Variants in SCN2A observed in about 807,000 individuals in gnomAD.
The protein encoded by SCN2A is sodium channel protein type 2 subunit alpha.
Under a neutral mutation model 188.7 loss-of-function variants are expected in SCN2A, and 20 were observed. The ratio of observed to expected loss-of-function variants is 0.11; its 90% confidence interval spans 0.07 to 0.15. SCN2A has a LOEUF of 0.15. Ranked by LOEUF, SCN2A falls within the 10% of genes least tolerant of loss-of-function variation. The pLI, the probability that SCN2A is intolerant of heterozygous loss-of-function variation, is 1.00. For missense variants in SCN2A, 1,278 were observed against 2,445.0 expected (o/e 0.52, Z 10.07); for synonymous variants, 804 against 833.1 (o/e 0.97, Z 0.60).
rs183890050 is a variant in SCN2A, at chr2:165,243,193, T to C, written c.-52+3553T>C. Reference sequence around the variant, plus strand: ...TAGGCCAACACATATCTATTATACATATCTAGTTTGATTACTAAGGGCTGG... The same window carrying C: ...TAGGCCAACACATATCTATTATACACATCTAGTTTGATTACTAAGGGCTGG... On this transcript the variant is annotated intron_variant, in intron 1 of 26. Coordinates refer to ENST00000375437, the MANE Select transcript of SCN2A (RefSeq NM_001040142.2). Among the ~76,000 whole-genome samples the C allele has an allele frequency of 7.2e-5, 11 of 152,324 alleles. No homozygotes were observed. In the East Asian group the frequency reaches 1.9e-3, roughly 27 times the overall value.
chr2:165,260,017 C>T (rs1375144621), intron 1 of SCN2A, among the ~76,000 whole-genome samples: 1 of 144,672 alleles, frequency 6.9e-6, no homozygotes, highest in Non-Finnish European at 1.5e-5. Flanking sequence ...CGGCTCAGCT[C>T]GCTGCAGGCT....
chr2:165,255,374 T>C (rs1694268976), intron 1 of SCN2A, among the ~76,000 whole-genome samples: 2 of 152,108 alleles, frequency 1.3e-5, no homozygotes, highest in African/African-American at 4.8e-5. Flanking sequence ...AATATTGTTT[T>C]TTCTTTCCCT....
chr2:165,265,477 A>C (rs1279769152), intron 1 of SCN2A, among the ~76,000 whole-genome samples: 2,103 of 82,222 alleles, frequency 0.026, 83 homozygotes, highest in East Asian at 0.17. Context: ...TGATCTATAT[A>C]TATATATATA....
chr2:165,374,000 T>C (rs1197496935), intron 21 of SCN2A, among the ~76,000 whole-genome samples: 1 of 152,080 alleles, frequency 6.6e-6, no homozygotes, highest in African/African-American at 2.4e-5. Context: ...TATTTGAAAA[T>C]AAGTTGCTTA....
intron 16 of SCN2A, 82 bp from the exon 17 acceptor site, chr2:165,354,110 G>C: frequency 1.9e-6 from 3 of 1,551,462 alleles, no homozygotes; most frequent in Non-Finnish European, 2.7e-6. Flanking sequence ...AAGGTGTCAA[G>C]AACAATCTTA....
chr2:165,337,010 T>G (rs937822445), intron 14 of SCN2A, among the ~76,000 whole-genome samples: 1 of 151,840 alleles, frequency 6.6e-6, no homozygotes, highest in African/African-American at 2.4e-5. Flanking sequence ...AACAAATTGT[T>G]AGAATAAACA....
intron 1 of SCN2A, among the ~76,000 whole-genome samples, chr2:165,249,441 A>G (rs1402019164): frequency 6.6e-6 from 1 of 152,108 alleles, no homozygotes; most frequent in East Asian, 1.9e-4. Flanking sequence ...CAGGAAGTTA[A>G]TTATGCTCTT....
At chr2:165,371,642 A>C (rs549216107) in intron 20 of SCN2A, 1 of 152,322 alleles carries the variant, frequency 6.6e-6, no homozygotes, top group Admixed American at 6.5e-5. Context: ...AGATAGGGTG[A>C]GGTAAGCCTT....
intron 23 of SCN2A, among the ~76,000 whole-genome samples, chr2:165,379,241 A>C (rs932615327): frequency 6.6e-6 from 1 of 151,740 alleles, no homozygotes; most frequent in Admixed American, 6.6e-5. Context: ...AATACTATAT[A>C]GTGATGAAAA....
intron 1 of SCN2A, chr2:165,266,667 T>A (rs1401097688): frequency 6.6e-6 from 1 of 152,156 alleles, no homozygotes; most frequent in Non-Finnish European, 1.5e-5. Flanking sequence ...GTCTTTTGCC[T>A]GGGCTCTTGC....
intron 22 of SCN2A, among the ~76,000 whole-genome samples, chr2:165,375,582 T>C (rs1701266648): frequency 6.6e-6 from 1 of 151,992 alleles, no homozygotes; most frequent in Non-Finnish European, 1.5e-5. Flanking sequence ...TGAGAAAATG[T>C]ACAAGACTTT....
At chr2:165,248,282 A>G (rs1235195733) in intron 1 of SCN2A, among the ~76,000 whole-genome samples, 1 of 152,154 alleles carries the variant, frequency 6.6e-6, no homozygotes, top group African/African-American at 2.4e-5. Context: ...ACAATTTCCA[A>G]AAAGTCTCTA....
chr2:165,239,677 G>A (rs1693533803), intron 1 of SCN2A, 37 bp downstream of exon 1: 1 of 927,092 alleles, frequency 1.1e-6, no homozygotes, highest in Non-Finnish European at 1.3e-6. Flanking sequence ...CTTATCCACG[G>A]ATTGTTATCT....
chr2:165,301,725 CT>C (rs1696819213), intron 3 of SCN2A, among the ~76,000 whole-genome samples: 1 of 152,134 alleles, frequency 6.6e-6, no homozygotes, highest in African/African-American at 2.4e-5. Context: ...AAAGGAAACT[CT>C]CATATTCCTT....
chr2:165,370,688 G>T (rs186869009), intron 20 of SCN2A: 8 of 195,180 alleles, frequency 4.1e-5, no homozygotes, highest in Admixed American at 3.7e-4. Flanking sequence ...GTTGAGTTTA[G>T]GTCACACAGA....
rs58382990 is a variant in SCN2A, at chr2:165,364,681, A to G, written c.3400-462A>G. Among the ~76,000 whole-genome samples, 539 of 152,332 alleles carry G rather than the reference A, an allele frequency of 3.5e-3. 3 individuals carry two copies. The highest frequency in any genetic ancestry group is 0.012 in the African/African-American group (505 of 41,576). Reference sequence around the variant, plus strand: ...GTCAATGAAAAGTGGATAAATTTAGATGGTTGCTGTTTATGTGCATTTGAT... The same window carrying G: ...GTCAATGAAAAGTGGATAAATTTAGGTGGTTGCTGTTTATGTGCATTTGAT... On this transcript the variant is annotated intron_variant, in intron 17 of 26. Coordinates refer to ENST00000375437, the MANE Select transcript of SCN2A (RefSeq NM_001040142.2).
At chr2:165,291,039 T>TC (rs1431127007) in intron 1 of SCN2A, among the ~76,000 whole-genome samples, 241 of 24,282 alleles carry the variant, frequency 9.9e-3, no homozygotes, top group Non-Finnish European at 0.018. Flanking sequence ...TTCTTTCTTT[T>TC]TTTTTTTTTT....
At chr2:165,309,241 A>G in intron 5 of SCN2A, 111 bp from the exon 6 acceptor site, 1 of 1,613,586 alleles carries the variant, frequency 6.2e-7, no homozygotes, top group Non-Finnish European at 8.5e-7. Flanking sequence ...TTTGAAAACT[A>G]TTTCTGTAAT....
At chr2:165,351,522 C>T (rs778303132) in intron 16 of SCN2A, among the ~76,000 whole-genome samples, 7 of 150,346 alleles carry the variant, frequency 4.7e-5, no homozygotes, top group Non-Finnish European at 8.9e-5. Flanking sequence ...TGTTTCCTCA[C>T]TTATTCTGCA....
Sources: allele counts gnomAD v4.1 joint callset (sites outside exome capture counted in the v4.1 genomes callset), GRCh38; gene constraint gnomAD v4.1.1; transcripts MANE v1.5; gene names NCBI Gene and HGNC (gene_info 2026-07-23, HGNC 2026-07-21).